SMYD3: variants seen among roughly 807,000 people sequenced by gnomAD.
The protein encoded by SMYD3 is SET and MYND domain containing 3.
A neutral mutation model predicts 57.7 loss-of-function variants in SMYD3; 36 were observed. That is an observed-to-expected ratio of 0.62 (90% CI 0.48 to 0.82). The LOEUF (loss-of-function observed/expected upper bound fraction) is 0.82, where lower values mean the gene tolerates loss of function less well. Ranked by LOEUF, SMYD3 falls within the 40% of genes least tolerant of loss-of-function variation. SMYD3 has a pLI of 0.00. For synonymous variants in SMYD3, 211 were observed against 195.0 expected (o/e 1.08, Z -0.68); for missense variants, 515 against 538.8 (o/e 0.96, Z 0.44).
intron 10 of SMYD3, among the ~76,000 whole-genome samples, chr1:245,772,299 CT>C (rs999218891): frequency 1.3e-5 from 2 of 152,180 alleles, no homozygotes; most frequent in African/African-American, 4.8e-5. Context: ...ACTTCATAAA[CT>C]GAGATACATT....
intron 5 of SMYD3, among the ~76,000 whole-genome samples, chr1:246,235,036 C>T (rs762056433): frequency 2.0e-5 from 3 of 152,152 alleles, no homozygotes; most frequent in South Asian, 4.1e-4. Context: ...CATGGAATCA[C>T]GTTTTACTTT....
intron 2 of SMYD3, among the ~76,000 whole-genome samples, chr1:246,349,380 G>T (rs2148695952): frequency 6.6e-6 from 1 of 152,084 alleles, no homozygotes; most frequent in East Asian, 1.9e-4. Flanking sequence ...TGAGGCAGGT[G>T]TACTGCCTGA....
chr1:245,810,258 C>T lies in SMYD3; in HGVS notation c.1077-46109G>A, dbSNP rs149958896. On this transcript the variant is annotated intron_variant, in intron 10 of 11. Coordinates refer to ENST00000490107, the MANE Select transcript of SMYD3 (RefSeq NM_001167740.2). ...GGCTGGGAGAGGCTGTCACAGAACT[C>T]AGAACTAAGAGCCTACAACTCATTC... 2.1e-3 allele frequency among the ~76,000 whole-genome samples: 321 copies of T among 152,262 alleles called. 1 individual carries two copies. Among genetic ancestry groups the T allele is most frequent in the African/African-American group, 7.1e-3 (296 of 41,550 alleles).
intron 11 of SMYD3, among the ~76,000 whole-genome samples, chr1:245,754,421 G>C (rs906608096): frequency 6.6e-6 from 1 of 151,918 alleles, no homozygotes; most frequent in East Asian, 1.9e-4. Context: ...AAATCACGAC[G>C]GGAAAAAATA....
At chr1:246,364,138 A>C (rs971188046) in intron 1 of SMYD3, among the ~76,000 whole-genome samples, 1 of 152,034 alleles carries the variant, frequency 6.6e-6, no homozygotes, top group Non-Finnish European at 1.5e-5. Context: ...GAGGAAGCCA[A>C]CATCTGGATT....
At chr1:246,099,436 C>T (rs908834750) in intron 5 of SMYD3, among the ~76,000 whole-genome samples, 4 of 152,026 alleles carry the variant, frequency 2.6e-5, no homozygotes, top group African/African-American at 9.7e-5. Context: ...AGCACTGTCA[C>T]CAATATCCCG....
chr1:246,159,971 T>C (rs1240592988), intron 5 of SMYD3, among the ~76,000 whole-genome samples: 4 of 152,320 alleles, frequency 2.6e-5, no homozygotes, highest in African/African-American at 9.6e-5. Context: ...CCTGGTGATA[T>C]TACCTTTATT....
intron 10 of SMYD3, among the ~76,000 whole-genome samples, chr1:245,812,445 C>T (rs1047308788): frequency 2.0e-5 from 3 of 152,086 alleles, no homozygotes; most frequent in Admixed American, 6.5e-5. Flanking sequence ...GAGTGAACAC[C>T]GTCAGGAAGA....
chr1:246,489,916 C>G (rs1014233934), intron 1 of SMYD3, among the ~76,000 whole-genome samples: 15 of 151,996 alleles, frequency 9.9e-5, no homozygotes, highest in Non-Finnish European at 1.9e-4. Context: ...CAGCCTCAAC[C>G]CCCCAGGCTC....
chr1:245,781,664 A>G (rs2046831327), intron 10 of SMYD3, among the ~76,000 whole-genome samples: 1 of 152,176 alleles, frequency 6.6e-6, no homozygotes, highest in South Asian at 2.1e-4. Flanking sequence ...GGTCTCCTCC[A>G]AATTCCATAG....
At chr1:246,130,414 T>C (rs7523878) in intron 5 of SMYD3, among the ~76,000 whole-genome samples, 120,480 of 152,024 alleles carry the variant, frequency 0.79, 47,966 homozygotes, top group Admixed American at 0.87. Flanking sequence ...AGATTGACTG[T>C]CTCTCACAGG....
intron 10 of SMYD3, among the ~76,000 whole-genome samples, chr1:245,843,426 G>A (rs1462158276): frequency 6.6e-6 from 1 of 151,900 alleles, no homozygotes; most frequent in Non-Finnish European, 1.5e-5. Flanking sequence ...AGAAATCTAA[G>A]TTAAAAAAAT....
rs530758704 is a variant in SMYD3 at position 245,770,278 on chromosome 1, A to C, written c.1077-6129T>G. Among the ~76,000 whole-genome samples, 22 of 152,334 alleles carry C rather than the reference A, an allele frequency of 1.4e-4. No individual in the cohort carries two copies. In the East Asian group the frequency reaches 4.1e-3, roughly 28 times the overall value. On this transcript the variant is annotated intron_variant, in intron 10 of 11. Transcript: ENST00000490107. ...CCCTTTGATGATCTTAGAGACAGAG[A>C]GGCTCACCAGCTGAGCAATATTTTT...
chr1:245,964,743 A>G (rs6667758), intron 5 of SMYD3, among the ~76,000 whole-genome samples: 21,059 of 151,684 alleles, frequency 0.14, 1,808 homozygotes, highest in East Asian at 0.41. Context: ...TCTCAGCTTG[A>G]GGATACGACA....
At chr1:245,798,449 A>C (rs78069536) in intron 10 of SMYD3, among the ~76,000 whole-genome samples, 29 of 10,316 alleles carry the variant, frequency 2.8e-3, no homozygotes, top group African/African-American at 4.7e-3. Context: ...CACACATAAA[A>C]ATATGCACAC....
chr1:246,305,609 AG>A (rs2064965989), intron 5 of SMYD3, among the ~76,000 whole-genome samples: 1 of 152,254 alleles, frequency 6.6e-6, no homozygotes, highest in South Asian at 2.1e-4. Flanking sequence ...AGCTATTTGA[AG>A]AAGATTATTT....
At chr1:246,303,054 A>G (rs71638325) in intron 5 of SMYD3, among the ~76,000 whole-genome samples, 22,752 of 152,156 alleles carry the variant, frequency 0.15, 2,206 homozygotes, top group East Asian at 0.42. Flanking sequence ...TAGCTACAGC[A>G]CTGAGCTCCT....
chr1:245,800,015 C>T (rs1212587459), intron 10 of SMYD3, among the ~76,000 whole-genome samples: 1 of 152,210 alleles, frequency 6.6e-6, no homozygotes, highest in Non-Finnish European at 1.5e-5. Context: ...AAACACCCTG[C>T]AAAAACCGCT....
At chr1:246,140,349 C>T (rs1407659769) in intron 5 of SMYD3, among the ~76,000 whole-genome samples, 2 of 152,138 alleles carry the variant, frequency 1.3e-5, no homozygotes, top group Non-Finnish European at 2.9e-5. Flanking sequence ...ATCTTGTACA[C>T]GTATTCTTTG....
Sources: gnomAD v4.1 joint callset for allele counts (sites outside exome capture counted in the v4.1 genomes callset) on GRCh38, gnomAD v4.1.1 for gene constraint, MANE v1.5 for transcripts, NCBI Gene and HGNC (gene_info 2026-07-23, HGNC 2026-07-21) for gene names.